Variants in ACTN4 observed in about 807,000 individuals in gnomAD.
The protein encoded by ACTN4 is alpha-actinin-4.
Under a neutral mutation model 114.2 loss-of-function variants are expected in ACTN4, and 18 were observed. The ratio of observed to expected loss-of-function variants is 0.16; its 90% confidence interval spans 0.11 to 0.23. The LOEUF (loss-of-function observed/expected upper bound fraction) is 0.23, where lower values mean the gene tolerates loss of function less well. Among genes scored for constraint, ACTN4 ranks in the 10% least tolerant of loss-of-function variants. The probability of loss-of-function intolerance (pLI) is 1.00; values close to 1 mark genes in which losing one functional copy is unlikely to be tolerated. For missense variants in ACTN4, 722 were observed against 1,262.9 expected (o/e 0.57, Z 6.49); for synonymous variants, 515 against 506.3 (o/e 1.02, Z -0.23).
chr19:38,661,768 T>C (rs1010471018), intron 1 of ACTN4, among the ~76,000 whole-genome samples: 1 of 152,336 alleles, frequency 6.6e-6, no homozygotes, highest in African/African-American at 2.4e-5. Flanking sequence ...TTCTCCTGCC[T>C]CAGCCTCCCG....
intron 1 of ACTN4, among the ~76,000 whole-genome samples, chr19:38,653,010 TGA>T (rs1183990823): frequency 6.7e-6 from 1 of 149,668 alleles, no homozygotes; most frequent in Non-Finnish European, 1.5e-5. Flanking sequence ...CGCTTGAACC[TGA>T]GAGGTGGAGG....
chr19:38,689,695 A>T (rs1301870787), intron 1 of ACTN4, among the ~76,000 whole-genome samples: 2 of 151,694 alleles, frequency 1.3e-5, no homozygotes, highest in Admixed American at 1.3e-4. Context: ...TTTCTTTGAG[A>T]TGGAGTCTCG....
chr19:38,729,749 G>T lies in ACTN4; in HGVS notation c.*317G>T, dbSNP rs116093917. The T allele has an allele frequency of 8.3e-5, 46 of 553,248 alleles. No individual in the cohort carries two copies. Among genetic ancestry groups the T allele is most frequent in the African/African-American group, 8.0e-4 (43 of 53,672 alleles). The allele number at this position is 553,248 out of a possible 1,614,324, so 34.3% of individuals were successfully genotyped here. A position where few individuals can be genotyped will look rare whatever the true frequency, so the allele number is the denominator to read the frequency against. On this transcript the variant is annotated 3_prime_UTR_variant, in exon 21 of 21. Transcript: ENST00000252699. Reference sequence around the variant, plus strand: ...CACAACCGGTCCCTTCCATGCCCTGGGATGCCTCACCACACCCAGGTCTCT... The same window carrying T: ...CACAACCGGTCCCTTCCATGCCCTGTGATGCCTCACCACACCCAGGTCTCT...
intron 3 of ACTN4, among the ~76,000 whole-genome samples, chr19:38,703,084 G>A (rs975886140): frequency 3.3e-5 from 5 of 152,224 alleles, no homozygotes; most frequent in South Asian, 2.1e-4. Context: ...CCCTAGGCAC[G>A]GCTGGCTGAT....
At chr19:38,696,994 A>C (rs892042498) in intron 1 of ACTN4, among the ~76,000 whole-genome samples, 1 of 152,198 alleles carries the variant, frequency 6.6e-6, no homozygotes, top group Non-Finnish European at 1.5e-5. Context: ...TTTAATCCCT[A>C]TCTTAACCTC....
At chr19:38,695,894 G>C (rs907134328) in intron 1 of ACTN4, among the ~76,000 whole-genome samples, 2 of 152,006 alleles carry the variant, frequency 1.3e-5, no homozygotes, top group African/African-American at 4.8e-5. Flanking sequence ...CAGGGGAGGT[G>C]ACACAAACTC....
At chr19:38,648,847 A>G (rs1568667753) in intron 1 of ACTN4, among the ~76,000 whole-genome samples, 1 of 151,630 alleles carries the variant, frequency 6.6e-6, no homozygotes, top group Non-Finnish European at 1.5e-5. Flanking sequence ...CGTTGGAGAG[A>G]ATGAGGAAGT....
intron 9 of ACTN4, 126 bp downstream of exon 9, chr19:38,714,687 C>A: frequency 1.0e-6 from 1 of 1,003,784 alleles, no homozygotes; most frequent in Admixed American, 2.0e-5. Flanking sequence ...TGGTCACAGA[C>A]CATGGCATTT....
At chr19:38,674,475 G>A (rs1967311965) in intron 1 of ACTN4, among the ~76,000 whole-genome samples, 1 of 152,170 alleles carries the variant, frequency 6.6e-6, no homozygotes, top group Non-Finnish European at 1.5e-5. Context: ...GAACTTCCCA[G>A]CCGAGTGGAA....
At chr19:38,686,996 C>G (rs1599798740) in intron 1 of ACTN4, among the ~76,000 whole-genome samples, 1 of 144,298 alleles carries the variant, frequency 6.9e-6, no homozygotes, top group South Asian at 2.4e-4. Context: ...CAGAGTCTCA[C>G]TCTGTTGCCC....
intron 1 of ACTN4, chr19:38,648,313 G>T: frequency 6.0e-6 from 1 of 165,634 alleles, no homozygotes; most frequent in Non-Finnish European, 1.3e-5. Context: ...GGCTGAGAAG[G>T]GAATTTCTGG....
chr19:38,728,938 C>T lies in ACTN4; in HGVS notation c.2419-58C>T, dbSNP rs1017450073. ...CCCTGGAGACCCCACCAGTGTGGGC[C>T]TGGCTGCCCCTGCCCCACTAAATGT... On this transcript the variant is annotated intron_variant, in intron 19 of 20. Coordinates refer to ENST00000252699, the MANE Select transcript of ACTN4 (RefSeq NM_004924.6). 2.5e-6 allele frequency: 4 copies of T among 1,606,466 alleles called. No individual in the cohort carries two copies. In the African/African-American group the frequency reaches 5.4e-5, roughly 21 times the overall value.
intron 19 of ACTN4, chr19:38,728,471 C>T (rs959512246): frequency 1.4e-4 from 134 of 942,508 alleles, no homozygotes; most frequent in Non-Finnish European, 1.9e-4. Context: ...TCCCCCTCAC[C>T]GCCTCCAGAG....
intron 1 of ACTN4, among the ~76,000 whole-genome samples, chr19:38,664,418 A>G (rs1275903616): frequency 2.0e-5 from 3 of 152,108 alleles, no homozygotes; most frequent in Non-Finnish European, 4.4e-5. Flanking sequence ...AGGTTAGGGT[A>G]GCGGCGCTTG....
chr19:38,719,707 T>G (rs1038178398), intron 11 of ACTN4, among the ~76,000 whole-genome samples: 1 of 152,254 alleles, frequency 6.6e-6, no homozygotes, highest in Non-Finnish European at 1.5e-5. Flanking sequence ...TCCTTATCCA[T>G]GGAGGCCTGG....
At chr19:38,722,658 ACCAC>A (rs1969085924) in intron 12 of ACTN4, among the ~76,000 whole-genome samples, 1 of 152,174 alleles carries the variant, frequency 6.6e-6, no homozygotes, top group Non-Finnish European at 1.5e-5. Flanking sequence ...TCCTGCCACC[ACCAC>A]GTCCAGGCCA....
Position 38,727,220 on chromosome 19 carries a change from A to T in ACTN4, c.2337+117A>T. ...TCACAGTTGCTGAGCGTCGGCCGCC[A>T]CTCCCAGGGCCAGCAGGGCCCTGCC... is the stretch of plus-strand genomic sequence containing the variant. On this transcript the variant is annotated intron_variant, in intron 18 of 20. Transcript: ENST00000252699. This position sits in a 1 kb window ranked among gnomAD's most constrained non-coding sequence, Gnocchi z 5.4. The T allele has an allele frequency of 1.3e-6, 2 of 1,491,360 alleles. No individual in the cohort carries two copies. Among genetic ancestry groups the T allele is most frequent in the Non-Finnish European group, 1.8e-6 (2 of 1,093,842 alleles). The allele number at this position is 1,491,360 out of a possible 1,614,324, so 92.4% of individuals were successfully genotyped here.
chr19:38,673,564 T>A lies in ACTN4; in HGVS notation c.162+25657T>A, dbSNP rs1412109162. 1.1e-4 allele frequency among the ~76,000 whole-genome samples: 10 copies of A among 93,884 alleles called. No homozygotes were observed. The East Asian group carries it at 1.2e-3, about 11-fold the overall frequency. 61.6% of individuals were successfully genotyped at this position (93,884 alleles called of 152,430 possible). A position where few individuals can be genotyped will look rare whatever the true frequency, so the allele number is the denominator to read the frequency against. On this transcript the variant is annotated intron_variant, in intron 1 of 20. Coordinates refer to ENST00000252699, the MANE Select transcript of ACTN4 (RefSeq NM_004924.6). ...ATATATATTTATATATACTTATATA[T>A]ATTTATATATATTCATATATATTTA...
At chr19:38,674,647 C>T (rs1020188883) in intron 1 of ACTN4, among the ~76,000 whole-genome samples, 1 of 152,166 alleles carries the variant, frequency 6.6e-6, no homozygotes, top group Non-Finnish European at 1.5e-5. Flanking sequence ...AGAGAGGTGA[C>T]GTGACTTGCC....
Sources: gnomAD v4.1 joint callset for allele counts (sites outside exome capture counted in the v4.1 genomes callset) on GRCh38, gnomAD v4.1.1 for gene constraint, Gnocchi (gnomAD v3.1) non-coding constraint, MANE v1.5 for transcripts, NCBI Gene and HGNC (gene_info 2026-07-23, HGNC 2026-07-21) for gene names.